MYH13: variants seen among roughly 807,000 people sequenced by gnomAD.
The protein encoded by MYH13 is myosin-13.
In MYH13, 177 loss-of-function variants were observed where a neutral mutation model predicts 232.1. The observed-to-expected ratio is 0.76, with a 90% CI of 0.67 to 0.86. MYH13 has a LOEUF of 0.86. Ranked by LOEUF, MYH13 falls within the 40% of genes least tolerant of loss-of-function variation. The pLI, the probability that MYH13 is intolerant of heterozygous loss-of-function variation, is 0.00. For synonymous variants in MYH13, 884 were observed against 923.5 expected (o/e 0.96, Z 0.78); for missense variants, 2,246 against 2,405.9 (o/e 0.93, Z 1.39).
intron 20 of MYH13, 97 bp from the exon 21 acceptor site, chr17:10,330,620 C>A: frequency 6.8e-7 from 1 of 1,466,628 alleles, no homozygotes; most frequent in Non-Finnish European, 9.1e-7. Context: ...TGAGGCTCAA[C>A]TCTCAGAGCA....
Position 10,307,029 on chromosome 17 carries a change from C to T in MYH13, c.5205G>A (p.Glu1735=). 2 of 1,614,020 alleles carry T rather than the reference C, an allele frequency of 1.2e-6. No individual in the cohort carries two copies. Among genetic ancestry groups the T allele is most frequent in the Non-Finnish European group, 8.5e-7 (1 of 1,179,902 alleles). ...CTGCCTGGCACTGAGCTATGTCAGC[C>T]TCCAGTTTTTTCTTGGTATTTATCA... The part of the protein sequence containing the change: ...TSLINTKKKL[E]ADIAQCQAEV... Residue 1735 remains glutamate, a synonymous_variant, in exon 36 of 41, where the codon GAG becomes GAA. Coordinates refer to ENST00000252172, the MANE Select transcript of MYH13 (RefSeq NM_003802.3).
chr17:10,337,634 C>T (rs1329495147), intron 18 of MYH13, among the ~76,000 whole-genome samples: 2 of 152,140 alleles, frequency 1.3e-5, no homozygotes, highest in African/African-American at 4.8e-5. Flanking sequence ...AAGGTGTCAC[C>T]AGGCTTCTGT....
Position 10,306,737 on chromosome 17 carries a change from C to T in MYH13, c.5296-108G>A. ...ATGGTGCTGAGCCTCCCCTGTCTGA[C>T]TGGGGCCAGTCATTGCTGATTCCCC... On this transcript the variant is annotated intron_variant, in intron 36 of 40. Transcript: ENST00000252172. The surrounding 1 kb of genome is among the most constrained non-coding windows in gnomAD (Gnocchi z 4.3). 1.3e-6 allele frequency: 2 copies of T among 1,547,068 alleles called. No individual in the cohort carries two copies. The highest frequency in any genetic ancestry group is 1.9e-5 in the Admixed American group (1 of 52,298).
chr17:10,361,002 C>T (rs189758041), intron 5 of MYH13, among the ~76,000 whole-genome samples: 1 of 152,276 alleles, frequency 6.6e-6, no homozygotes, highest in East Asian at 1.9e-4. Context: ...CTAACCAATC[C>T]TGATGACACC....
intron 12 of MYH13, among the ~76,000 whole-genome samples, chr17:10,347,324 C>T (rs975410003): frequency 1.3e-5 from 2 of 151,964 alleles, no homozygotes; most frequent in African/African-American, 4.8e-5. Context: ...AAGATCGTGC[C>T]ATTGAACTCC....
In MYH13 at chr17:10,338,170, C is replaced by T. The variant is rs141439471; in HGVS notation, c.2056+1980G>A. On this transcript the variant is annotated intron_variant, in intron 18 of 40. Coordinates refer to ENST00000252172, the MANE Select transcript of MYH13 (RefSeq NM_003802.3). ...GCTTAGAGAGGAGTCAGGCCACAAG[C>T]ATGTTTGATTTATGCAAACATGTAC... Among the ~76,000 whole-genome samples, 87 of 152,300 alleles carry T rather than the reference C, an allele frequency of 5.7e-4. 1 individual carries two copies. The highest frequency in any genetic ancestry group is 3.4e-3 in the Middle Eastern group (1 of 294).
chr17:10,368,225 C>A (rs2071851972), intron 2 of MYH13, among the ~76,000 whole-genome samples: 1 of 152,176 alleles, frequency 6.6e-6, no homozygotes, highest in Non-Finnish European at 1.5e-5. Context: ...CTAATGGTGG[C>A]AAATACATGT....
At chr17:10,330,333 A>G in intron 21 of MYH13, 54 bp downstream of exon 21, 2 of 1,596,324 alleles carry the variant, frequency 1.3e-6, no homozygotes, top group Non-Finnish European at 1.7e-6. Context: ...GGAAGTGACA[A>G]TCAGCTGCTA....
chr17:10,328,110 A>G lies in MYH13; in HGVS notation c.2447T>C (p.Phe816Ser). The G allele has an allele frequency of 6.2e-7, 1 of 1,613,936 alleles. No homozygotes were observed. The highest frequency in any genetic ancestry group is 1.1e-5 in the South Asian group (1 of 91,034). The change falls in exon 22 of 41, where the codon TTC (phenylalanine) becomes TCC (serine). Residue 816 changes from phenylalanine to serine, a missense_variant. Coordinates refer to ENST00000252172, the MANE Select transcript of MYH13 (RefSeq NM_003802.3). ...KKMMERRDSI[F>S]CIQYNIRSFM... Reference sequence around the variant, plus strand: ...AGAGCGGATGTTGTACTGGATGCAGAAGATGGAGTCCCTGTACACCCATTA... The same window carrying G: ...AGAGCGGATGTTGTACTGGATGCAGGAGATGGAGTCCCTGTACACCCATTA...
chr17:10,310,796 T>C (rs1231904418), intron 33 of MYH13, among the ~76,000 whole-genome samples: 3 of 152,150 alleles, frequency 2.0e-5, no homozygotes, highest in Non-Finnish European at 4.4e-5. Context: ...GCCTCTATGT[T>C]AAACATAACT....
chr17:10,304,581 G>C lies in MYH13; in HGVS notation c.5467-1083C>G, dbSNP rs190595703. On this transcript the variant is annotated intron_variant, in intron 37 of 40. Transcript: ENST00000252172. This position sits in a 1 kb window ranked among gnomAD's most constrained non-coding sequence, Gnocchi z 5.3. ...ACTTACAGATCAAGTAAGGCAGCAG[G>C]GATCACGAAGAGAACCTGGGCCAGG... is the stretch of plus-strand genomic sequence containing the variant. 6.6e-6 allele frequency among the ~76,000 whole-genome samples: 1 copy of C among 152,324 alleles called. No individual in the cohort carries two copies. The highest frequency in any genetic ancestry group is 2.4e-5 in the African/African-American group (1 of 41,564).
intron 23 of MYH13, among the ~76,000 whole-genome samples, chr17:10,322,656 G>T (rs12950594): frequency 1.2e-3 from 153 of 132,958 alleles, no homozygotes; most frequent in Non-Finnish European, 1.5e-3. Flanking sequence ...TTTTTTGAGA[G>T]GGAGTCTCAC....
At chr17:10,342,857 G>A (rs537983093) in intron 16 of MYH13, among the ~76,000 whole-genome samples, 1 of 152,112 alleles carries the variant, frequency 6.6e-6, no homozygotes, top group Non-Finnish European at 1.5e-5. Flanking sequence ...TTGGGAGGTC[G>A]AGGCGGGTGG....
Position 10,324,078 on chromosome 17 carries a change from C to T in MYH13, c.2878G>A (p.Asp960Asn). The stretch of plus-strand genomic sequence containing the variant: ...ACTTTCGTCAAGGTCAGCTCCAGGT[C>T]ATCAATGTCTCTCTTGAGAGAGGAG... ...KCSSLKRDID[D>N]LELTLTKVEK... The change falls in exon 23 of 41, where the codon GAC becomes AAC. Residue 960 changes from aspartate (D) to asparagine (N), a missense_variant. Asp to Asn is a conservative substitution (Grantham distance 23). Coordinates refer to ENST00000252172, the MANE Select transcript of MYH13 (RefSeq NM_003802.3). 6.2e-7 allele frequency: 1 copy of T among 1,614,030 alleles called. No individual in the cohort carries two copies. Among genetic ancestry groups the T allele is most frequent in the South Asian group, 1.1e-5 (1 of 91,070 alleles).
intron 33 of MYH13, 27 bp downstream of exon 33, chr17:10,311,076 T>C: frequency 6.2e-7 from 1 of 1,612,788 alleles, no homozygotes; most frequent in Non-Finnish European, 8.5e-7. Context: ...CTCCTGAATT[T>C]CTGAATGTCA....
intron 17 of MYH13, 35 bp from the exon 18 acceptor site, chr17:10,340,272 C>G (rs4445936): frequency 1.2e-6 from 2 of 1,613,274 alleles, no homozygotes; most frequent in East Asian, 4.5e-5. Context: ...CATTTAGCAA[C>G]TGCCATTTCA....
At chr17:10,303,580 G>A (rs1206829231) in intron 37 of MYH13, 82 bp from the exon 38 acceptor site, 1 of 1,205,974 alleles carries the variant, frequency 8.3e-7, no homozygotes, top group African/African-American at 1.5e-5. Flanking sequence ...TCATTCTAGA[G>A]TGAACTCAAG....
intron 11 of MYH13, 154 bp from the exon 12 acceptor site, chr17:10,350,848 C>A (rs1157821545): frequency 2.1e-6 from 2 of 958,910 alleles, no homozygotes; most frequent in Non-Finnish European, 3.2e-6. Flanking sequence ...AAATTAGAAA[C>A]CATTTGTTTC....
intron 12 of MYH13, among the ~76,000 whole-genome samples, chr17:10,347,972 A>G (rs12450026): frequency 0.21 from 32,262 of 151,812 alleles, 4,075 homozygotes; most frequent in Non-Finnish European, 0.28. Context: ...CCACCTCCCA[A>G]AGTGCTGGGA....
Sources: gnomAD v4.1 joint callset for allele counts (sites outside exome capture counted in the v4.1 genomes callset) on GRCh38, gnomAD v4.1.1 for gene constraint, Gnocchi (gnomAD v3.1) non-coding constraint, MANE v1.5 for transcripts, NCBI Gene and HGNC (gene_info 2026-07-23, HGNC 2026-07-21) for gene names.